Variants in ABCC1 observed in about 807,000 individuals in gnomAD.
ABCC1 encodes the protein multidrug resistance-associated protein 1.
A neutral mutation model predicts 172.9 loss-of-function variants in ABCC1; 83 were observed. The ratio of observed to expected loss-of-function variants is 0.48; its 90% confidence interval spans 0.40 to 0.58. ABCC1 has a LOEUF of 0.58. ABCC1 is among the 20% of genes least tolerant of loss of function. The pLI, the probability that ABCC1 is intolerant of heterozygous loss-of-function variation, is 0.00. For synonymous variants in ABCC1, 937 were observed against 825.2 expected (o/e 1.14, Z -2.32); for missense variants, 1,817 against 2,002.7 (o/e 0.91, Z 1.77).
At chr16:16,073,221 A>G (rs1187401077) in intron 14 of ABCC1, among the ~76,000 whole-genome samples, 2 of 152,086 alleles carry the variant, frequency 1.3e-5, no homozygotes, top group African/African-American at 4.8e-5. Context: ...CCAGATGAAG[A>G]AACTGGTCTC....
At chr16:16,086,739 GATCAC>G in intron 17 of ABCC1, 80 bp from the exon 18 acceptor site, 1 of 1,514,576 alleles carries the variant, frequency 6.6e-7, no homozygotes, top group South Asian at 1.2e-5. Flanking sequence ...AAAGTTCTGG[GATCAC>G]ACCACACTCG....
intron 16 of ABCC1, among the ~76,000 whole-genome samples, chr16:16,081,060 A>T (rs1232408287): frequency 6.6e-6 from 1 of 151,952 alleles, no homozygotes; most frequent in Non-Finnish European, 1.5e-5. Flanking sequence ...TAAAGACGGG[A>T]TTTTACCATG....
intron 1 of ABCC1, among the ~76,000 whole-genome samples, chr16:16,000,380 A>G (rs945207903): frequency 6.6e-6 from 1 of 151,830 alleles, no homozygotes; most frequent in South Asian, 2.1e-4. Flanking sequence ...CCTGGGCTCA[A>G]GTGATCCACC....
chr16:15,977,931 T>G (rs2046529663), intron 1 of ABCC1, among the ~76,000 whole-genome samples: 1 of 152,026 alleles, frequency 6.6e-6, no homozygotes, highest in African/African-American at 2.4e-5. Context: ...TTTTCTTCTT[T>G]TTACAGGCTG....
chr16:15,949,691 G>T lies in ABCC1; in HGVS notation c.-61G>T. Reference sequence around the variant, plus strand: ...CGCCGCCCGGTGCCCGCCGCCGCCCGCGCCAGCAACCGGGCCCGATCACCC... The same window carrying T: ...CGCCGCCCGGTGCCCGCCGCCGCCCTCGCCAGCAACCGGGCCCGATCACCC... On this transcript the variant is annotated 5_prime_UTR_variant, in exon 1 of 31. Coordinates refer to ENST00000399410, the MANE Select transcript of ABCC1 (RefSeq NM_004996.4). The T allele has an allele frequency of 9.8e-7, 1 of 1,021,638 alleles. No individual in the cohort carries two copies. The highest frequency in any genetic ancestry group is 1.2e-6 in the Non-Finnish European group (1 of 852,454). 63.3% of individuals were successfully genotyped at this position (1,021,638 alleles called of 1,614,324 possible).
At chr16:16,096,627 C>A (rs533136569) in intron 19 of ABCC1, among the ~76,000 whole-genome samples, 234 of 152,216 alleles carry the variant, frequency 1.5e-3, no homozygotes, top group African/African-American at 5.2e-3. Context: ...CGTTTTTGGT[C>A]AAAAATGAGG....
intron 1 of ABCC1, among the ~76,000 whole-genome samples, chr16:15,995,003 C>T (rs2047008565): frequency 6.6e-6 from 1 of 151,332 alleles, no homozygotes. Flanking sequence ...TGGTAGCAGG[C>T]GTCTGTAATC....
At chr16:16,085,373 C>T (rs1309003363) in intron 17 of ABCC1, among the ~76,000 whole-genome samples, 1 of 152,232 alleles carries the variant, frequency 6.6e-6, no homozygotes, top group African/African-American at 2.4e-5. Flanking sequence ...ACCAAGAGTG[C>T]AAAGCACTGG....
At chr16:16,051,953 G>C (rs1384377211) in intron 10 of ABCC1, among the ~76,000 whole-genome samples, 1 of 151,618 alleles carries the variant, frequency 6.6e-6, no homozygotes, top group African/African-American at 2.4e-5. Flanking sequence ...AATCTAAGCT[G>C]GGTGTGATGG....
intron 23 of ABCC1, among the ~76,000 whole-genome samples, chr16:16,118,097 A>G (rs59646653): frequency 0.032 from 4,812 of 152,310 alleles, 265 homozygotes; most frequent in African/African-American, 0.11. Flanking sequence ...GAGAGCTGAG[A>G]GTGCAACCTC....
intron 19 of ABCC1, 128 bp from the exon 20 acceptor site, chr16:16,102,499 A>G (rs1407874829): frequency 3.8e-6 from 3 of 793,432 alleles, no homozygotes; most frequent in Non-Finnish European, 6.3e-6. Flanking sequence ...CAGGTCTCCT[A>G]CTTTCTGATC....
At chr16:16,078,732 A>G (rs947419239) in intron 15 of ABCC1, among the ~76,000 whole-genome samples, 2 of 152,140 alleles carry the variant, frequency 1.3e-5, no homozygotes, top group African/African-American at 4.8e-5. Context: ...ATCGGAGTGC[A>G]GTGGCACGAT....
intron 30 of ABCC1, among the ~76,000 whole-genome samples, chr16:16,139,666 T>G (rs1373173770): frequency 6.8e-6 from 1 of 147,276 alleles, no homozygotes; most frequent in Non-Finnish European, 1.5e-5. Flanking sequence ...TTATTTATAC[T>G]AACACAGTCA....
At chr16:16,039,262 T>C (rs2048880861) in intron 7 of ABCC1, among the ~76,000 whole-genome samples, 1 of 115,556 alleles carries the variant, frequency 8.7e-6, no homozygotes, top group African/African-American at 4.6e-5. Flanking sequence ...TGTGTGTGTG[T>C]TTTCTTTTTT....
chr16:16,116,542 C>G lies in ABCC1; in HGVS notation c.3390+1466C>G, dbSNP rs148608017. Among the ~76,000 whole-genome samples, 6 of 152,080 alleles carry G rather than the reference C, an allele frequency of 3.9e-5. No individual in the cohort carries two copies. The East Asian group carries it at 1.2e-3, about 29-fold the overall frequency. ...TAACAATATGCCAGTATCACTACTTCTCCACATTAGAGGCGTTATTTTTAT... is the reference window on the plus strand; with the variant it reads ...TAACAATATGCCAGTATCACTACTTGTCCACATTAGAGGCGTTATTTTTAT... On this transcript the variant is annotated intron_variant, in intron 23 of 30. Transcript: ENST00000399410.
intron 1 of ABCC1, among the ~76,000 whole-genome samples, chr16:15,973,429 G>A (rs1166244102): frequency 6.6e-6 from 1 of 152,014 alleles, no homozygotes; most frequent in African/African-American, 2.4e-5. Flanking sequence ...TACAATACAG[G>A]ATGGGCTCCA....
intron 17 of ABCC1, among the ~76,000 whole-genome samples, chr16:16,085,678 G>T (rs1390756549): frequency 1.3e-5 from 2 of 152,210 alleles, no homozygotes; most frequent in African/African-American, 4.8e-5. Flanking sequence ...CACTTAGGGG[G>T]CTGAGGTGAG....
At chr16:16,108,401 G>T (rs1220267681) in intron 21 of ABCC1, among the ~76,000 whole-genome samples, 3 of 149,590 alleles carry the variant, frequency 2.0e-5, no homozygotes, top group African/African-American at 7.4e-5. Context: ...CTCCCGAGTA[G>T]CTGGGACTAC....
At chr16:16,013,300 T>G (rs889028076) in intron 3 of ABCC1, among the ~76,000 whole-genome samples, 8 of 150,724 alleles carry the variant, frequency 5.3e-5, no homozygotes, top group African/African-American at 1.7e-4. Context: ...AGATAGCGTC[T>G]CACTCTGTCG....
Sources: gnomAD v4.1 joint callset for allele counts (sites outside exome capture counted in the v4.1 genomes callset) on GRCh38, gnomAD v4.1.1 for gene constraint, MANE v1.5 for transcripts, NCBI Gene and HGNC (gene_info 2026-07-23, HGNC 2026-07-21) for gene names.